UBXN6: variants seen among roughly 807,000 people sequenced by gnomAD.
UBXN6 encodes the protein UBX domain-containing protein 6.
UBXN6 carries 44 observed loss-of-function variants against 51.4 expected under a neutral mutation model. The ratio of observed to expected loss-of-function variants is 0.86; its 90% confidence interval spans 0.67 to 1.10. UBXN6 has a LOEUF of 1.10. Ranked by LOEUF, UBXN6 falls within the 50% of genes least tolerant of loss-of-function variation. The pLI, the probability that UBXN6 is intolerant of heterozygous loss-of-function variation, is 0.00. For missense variants in UBXN6, 672 were observed against 596.1 expected, an observed-to-expected ratio of 1.13 and a Z score of -1.32; for synonymous variants, 316 against 263.2, an observed-to-expected ratio of 1.20 and a Z score of -1.94.
intron 5 of UBXN6, 103 bp downstream of exon 5, chr19:4,448,215 C>G (rs755247775): frequency 3.5e-5 from 38 of 1,084,388 alleles, no homozygotes; most frequent in Non-Finnish European, 5.0e-5. Flanking sequence ...TCCCAACCCA[C>G]CTCAGCAGGT....
In UBXN6 at chr19:4,446,859, A is replaced by C; in HGVS notation, c.677T>G (p.Val226Gly). The change falls in exon 7 of 11, where the codon GTG becomes GGG. Residue 226 changes from valine (V) to glycine (G), a missense_variant. Transcript: ENST00000301281. ...ACCCTGATCCTGGGCGGGAAGCAAC[A>C]CCTTCTGGAACCCAATGGCCTCAAA... ...EFFEAIGFQK[V>G]LLPAQDQEDP... The C allele has an allele frequency of 6.2e-7, 1 of 1,613,916 alleles. No homozygotes were observed. Among genetic ancestry groups the C allele is most frequent in the Non-Finnish European group, 8.5e-7 (1 of 1,180,004 alleles).
At chr19:4,446,229 C>T in intron 9 of UBXN6, 32 bp from the exon 10 acceptor site, 2 of 1,578,262 alleles carry the variant, frequency 1.3e-6, no homozygotes, top group Non-Finnish European at 1.7e-6. Context: ...GCGGGTGGGG[C>T]CCAGGGCCCC....
intron 3 of UBXN6, among the ~76,000 whole-genome samples, 185 bp from the exon 4 acceptor site, chr19:4,452,677 T>A (rs796229496): frequency 4.6e-5 from 7 of 152,258 alleles, no homozygotes; most frequent in African/African-American, 1.7e-4. Context: ...TTTTCCCTGG[T>A]ATGTCAAATG....
At position 4,446,072 on chromosome 19, in the gene UBXN6, G is replaced by C. The variant is rs376743195; in HGVS notation, c.1177C>G (p.Leu393Val). 2 of 1,612,594 alleles carry C rather than the reference G, an allele frequency of 1.2e-6. No individual in the cohort carries two copies. The highest frequency in any genetic ancestry group is 4.5e-5 in the East Asian group (2 of 44,868). Residue 393 changes from leucine (L) to valine (V), a missense_variant, in exon 10 of 11, where the codon CTG becomes GTG. Leu to Val is a conservative substitution (Grantham distance 32, BLOSUM62 1). Coordinates refer to ENST00000301281, the MANE Select transcript of UBXN6 (RefSeq NM_025241.3). ...GGQKLSEDEN[L>V]ALNECGLVPS... ...ACCAGCCCGCACTCGTTCAAGGCCA[G>C]GTTCTCGTCCTCGGACAGCTTCTGC...
chr19:4,445,906 G>A (rs1974500567), intron 10 of UBXN6, 143 bp downstream of exon 10: 2 of 1,350,938 alleles, frequency 1.5e-6, no homozygotes, highest in African/African-American at 2.9e-5. Context: ...CCAGTAAGTG[G>A]GAAAGCAGGA....
At chr19:4,452,625 G>T in intron 3 of UBXN6, 133 bp from the exon 4 acceptor site, 1 of 1,283,872 alleles carries the variant, frequency 7.8e-7, no homozygotes. Context: ...CCACCTGGTG[G>T]CCGTGGGAGA....
intron 2 of UBXN6, 54 bp downstream of exon 2, chr19:4,453,868 AGGCACCAG>A (rs1599680811): frequency 2.6e-6 from 2 of 774,274 alleles, no homozygotes; most frequent in East Asian, 3.0e-4. Context: ...ATCCAGGGCC[AGGCACCAG>A]GGCCGAGAAC....
In UBXN6 at chr19:4,445,366, G is replaced by C; in HGVS notation, c.*132C>G. The C allele has an allele frequency of 6.2e-6, 9 of 1,449,704 alleles. No individual in the cohort carries two copies. The highest frequency in any genetic ancestry group is 8.4e-6 in the Non-Finnish European group (9 of 1,068,862). The allele number at this position is 1,449,704 out of a possible 1,614,324, so 89.8% of individuals were successfully genotyped here. ...GGCCCAATTCCACAGCTCCACGGCT[G>C]GCGCCCCTCCCGTGCCCATGGGGCA... On this transcript the variant is annotated 3_prime_UTR_variant, in exon 11 of 11. Transcript: ENST00000301281.
intron 6 of UBXN6, 129 bp downstream of exon 6, chr19:4,447,421 A>T: frequency 1.0e-6 from 1 of 988,332 alleles, no homozygotes; most frequent in Non-Finnish European, 1.6e-6. Flanking sequence ...CGAACCCTTC[A>T]CTGCTTGTGG....
chr19:4,452,639 C>A, intron 3 of UBXN6, 147 bp from the exon 4 acceptor site: 1 of 1,160,330 alleles, frequency 8.6e-7, no homozygotes, highest in South Asian at 1.8e-5. Flanking sequence ...TGGGAGACAC[C>A]CTGGCCAAGT....
Position 4,448,160 on chromosome 19 carries a change from C to G in UBXN6, c.539+158G>C, listed in dbSNP as rs1974577401. The G allele has an allele frequency of 6.1e-6, 4 of 659,090 alleles. No homozygotes were observed. In the South Asian group the frequency reaches 7.4e-5, roughly 12 times the overall value. 40.8% of individuals were successfully genotyped at this position (659,090 alleles called of 1,614,324 possible). A position where few individuals can be genotyped will look rare whatever the true frequency, so the allele number is the denominator to read the frequency against. Reference sequence around the variant, plus strand: ...GGCCCAAGGAGGCCCAGCCCTTTGCCTGAGGCCTCTGGGTGGAGCTGCCTC... The same window carrying G: ...GGCCCAAGGAGGCCCAGCCCTTTGCGTGAGGCCTCTGGGTGGAGCTGCCTC... On this transcript the variant is annotated intron_variant, in intron 5 of 10. Coordinates refer to ENST00000301281, the MANE Select transcript of UBXN6 (RefSeq NM_025241.3).
At chr19:4,456,780 A>C (rs1294140547) in intron 1 of UBXN6, among the ~76,000 whole-genome samples, 2 of 152,144 alleles carry the variant, frequency 1.3e-5, no homozygotes, top group South Asian at 2.1e-4. Flanking sequence ...CCTCGCAGAG[A>C]AGCTCTTTCT....
rs375566477 is a variant in UBXN6 at position 4,448,462 on chromosome 19, G to A, written c.442-47C>T. The A allele has an allele frequency of 1.5e-4, 230 of 1,493,894 alleles. 1 individual carries two copies. The African/African-American group carries it at 2.5e-3, about 16-fold the overall frequency. The allele number at this position is 1,493,894 out of a possible 1,614,324, so 92.5% of individuals were successfully genotyped here. A position where few individuals can be genotyped will look rare whatever the true frequency, so the allele number is the denominator to read the frequency against. On this transcript the variant is annotated intron_variant, in intron 4 of 10. Coordinates refer to ENST00000301281, the MANE Select transcript of UBXN6 (RefSeq NM_025241.3). Reference sequence around the variant, plus strand: ...AAGCCACTCACTGAGAGCCCGGGCCGCACGGCCCTCCGCTGCCCAGGTAAC... The same window carrying A: ...AAGCCACTCACTGAGAGCCCGGGCCACACGGCCCTCCGCTGCCCAGGTAAC...
chr19:4,448,235 G>T, intron 5 of UBXN6, 83 bp downstream of exon 5: 1 of 1,265,860 alleles, frequency 7.9e-7, no homozygotes, highest in Non-Finnish European at 1.1e-6. Flanking sequence ...TAATGAGGGG[G>T]CCAGAGGGGG....
At position 4,454,101 on chromosome 19, in the gene UBXN6, C is replaced by A; in HGVS notation, c.84-8G>T. The A allele has an allele frequency of 6.5e-7, 1 of 1,538,798 alleles. No homozygotes were observed. Among genetic ancestry groups the A allele is most frequent in the Admixed American group, 2.0e-5 (1 of 49,804 alleles). ...TCTTTGTGGGCCTTTTCCCTGGGAA[C>A]AGACCGAGGGAGAGTGAGTGTATCC... On this transcript the variant is annotated splice_polypyrimidine_tract_variant and splice_region_variant and intron_variant, in intron 1 of 10. Coordinates refer to ENST00000301281, the MANE Select transcript of UBXN6 (RefSeq NM_025241.3).
At chr19:4,450,459 C>G (rs1410366926) in intron 4 of UBXN6, 4 of 151,842 alleles carry the variant, frequency 2.6e-5, no homozygotes, top group African/African-American at 4.8e-5. Context: ...CCTAAATTGC[C>G]TAATATGTAA....
chr19:4,448,462 G>T, intron 4 of UBXN6, 47 bp from the exon 5 acceptor site: 1 of 1,493,902 alleles, frequency 6.7e-7, no homozygotes, highest in Non-Finnish European at 9.2e-7. Context: ...AGCCCGGGCC[G>T]CACGGCCCTC....
intron 4 of UBXN6, chr19:4,450,855 T>C (rs1484435552): frequency 1.3e-5 from 2 of 149,128 alleles, no homozygotes; most frequent in African/African-American, 5.0e-5. Flanking sequence ...CGCATTCTCA[T>C]ATGAAACATG....
chr19:4,453,666 C>A, intron 2 of UBXN6, 144 bp from the exon 3 acceptor site: 2 of 1,113,536 alleles, frequency 1.8e-6, no homozygotes, highest in Non-Finnish European at 1.3e-6. Context: ...GGCTGGAGGT[C>A]CCCTGCAGGA....
Sources: allele counts gnomAD v4.1 joint callset (sites outside exome capture counted in the v4.1 genomes callset), GRCh38; gene constraint gnomAD v4.1.1; transcripts MANE v1.5; gene names NCBI Gene and HGNC (gene_info 2026-07-23, HGNC 2026-07-21).